NADK: variants seen among roughly 807,000 people sequenced by gnomAD.
NADK encodes poly(P)/ATP NAD kinase.
NADK carries 22 observed loss-of-function variants against 49.8 expected under a neutral mutation model. The observed-to-expected ratio is 0.44, with a 90% CI of 0.32 to 0.63. The LOEUF (loss-of-function observed/expected upper bound fraction) is 0.63, where lower values mean the gene tolerates loss of function less well. Ranked by LOEUF, NADK falls within the 30% of genes least tolerant of loss-of-function variation. The pLI, the probability that NADK is intolerant of heterozygous loss-of-function variation, is 0.06. For missense variants in NADK, 438 were observed against 609.4 expected (o/e 0.72, Z 2.96); for synonymous variants, 268 against 253.7 (o/e 1.06, Z -0.54).
intron 2 of NADK, among the ~76,000 whole-genome samples, chr1:1,762,928 C>T (rs981843342): frequency 1.3e-5 from 2 of 152,226 alleles, no homozygotes; most frequent in Non-Finnish European, 2.9e-5. Context: ...CCGCTGTGCT[C>T]CTCAGGGTCC....
chr1:1,776,491 T>C (rs1646213728), intron 1 of NADK, among the ~76,000 whole-genome samples: 1 of 152,064 alleles, frequency 6.6e-6, no homozygotes, highest in Non-Finnish European at 1.5e-5. Context: ...CTGGTCCAAG[T>C]GAGGCAAGCT....
intron 3 of NADK, chr1:1,758,450 C>T (rs374787688): frequency 7.4e-6 from 12 of 1,612,302 alleles, no homozygotes; most frequent in East Asian, 6.7e-5. Context: ...ATGTGGCTCG[C>T]GAGGTAGCCC....
At chr1:1,756,738 C>T (rs979517445) in intron 4 of NADK, 130 bp from the exon 5 acceptor site, 43 of 1,525,112 alleles carry the variant, frequency 2.8e-5, no homozygotes, top group East Asian at 1.8e-4. Flanking sequence ...CCCACGCTCA[C>T]GCTGAAACTT....
At chr1:1,779,503 A>G (rs932925338), upstream of NADK, among the ~76,000 whole-genome samples, 8 of 152,046 alleles carry the variant, frequency 5.3e-5, no homozygotes, top group Non-Finnish European at 1.2e-4. Context: ...TTTCTGAGAT[A>G]GTGTCTCATT....
chr1:1,772,363 C>T (rs979130970), intron 1 of NADK, among the ~76,000 whole-genome samples: 1 of 151,776 alleles, frequency 6.6e-6, no homozygotes, highest in Non-Finnish European at 1.5e-5. Context: ...GAGGTTTTGC[C>T]ATGTTGCCCA....
intron 1 of NADK, among the ~76,000 whole-genome samples, chr1:1,775,156 A>C (rs1272641528): frequency 1.3e-5 from 2 of 152,176 alleles, no homozygotes; most frequent in Non-Finnish European, 2.9e-5. Context: ...ATTAGAAAAA[A>C]ATACTAGAGC....
chr1:1,768,043 C>T (rs372562779), intron 1 of NADK, among the ~76,000 whole-genome samples: 28 of 151,978 alleles, frequency 1.8e-4, no homozygotes, highest in African/African-American at 6.8e-4. Flanking sequence ...TGGTGGCGGG[C>T]GCCTGTAATC....
At chr1:1,771,061 T>A (rs1302473840) in intron 1 of NADK, among the ~76,000 whole-genome samples, 18 of 146,040 alleles carry the variant, frequency 1.2e-4, no homozygotes, top group African/African-American at 4.0e-4. Context: ...AAAAAATATA[T>A]ATATATATAT....
chr1:1,767,192 C>T (rs1443751645), intron 1 of NADK, among the ~76,000 whole-genome samples: 1 of 152,164 alleles, frequency 6.6e-6, no homozygotes, highest in Non-Finnish European at 1.5e-5. Context: ...GCTGGGATTA[C>T]AGGCGTAAGC....
chr1:1,756,996 G>A, intron 4 of NADK, 185 bp downstream of exon 4: 1 of 1,000,660 alleles, frequency 1.0e-6, no homozygotes, highest in Admixed American at 2.0e-5. Context: ...CCAGTCTGGT[G>A]CTTGCCATGG....
chr1:1,759,350 G>T (rs1645640307), intron 3 of NADK: 10 of 1,399,964 alleles, frequency 7.1e-6, no homozygotes, highest in Non-Finnish European at 9.4e-6. Context: ...TGTGGGTACT[G>T]CACGGAGAGG....
intron 5 of NADK, 54 bp from the exon 6 acceptor site, chr1:1,756,397 T>A: frequency 6.2e-7 from 1 of 1,606,936 alleles, no homozygotes; most frequent in South Asian, 1.1e-5. Context: ...GGCCCCTCTG[T>A]GGCGCAGTGC....
At chr1:1,756,913 G>A (rs370545101) in intron 4 of NADK, 32 of 808,204 alleles carry the variant, frequency 4.0e-5, no homozygotes, top group African/African-American at 2.7e-4. Context: ...GAAGGCCCAC[G>A]TCAGATGTGG....
At chr1:1,759,692 C>T (rs767657349) in intron 3 of NADK, 24 of 1,540,534 alleles carry the variant, frequency 1.6e-5, no homozygotes, top group African/African-American at 4.1e-5. Flanking sequence ...ATGGGGGTGC[C>T]GAGAAAGCTG....
At chr1:1,756,821 T>G (rs773033202) in intron 4 of NADK, 1 of 894,394 alleles carries the variant, frequency 1.1e-6, no homozygotes, top group Non-Finnish European at 1.9e-6. Flanking sequence ...TCTCAGGAAT[T>G]GACTAAGGCT....
At chr1:1,768,316 T>C (rs1645946490) in intron 1 of NADK, among the ~76,000 whole-genome samples, 1 of 151,734 alleles carries the variant, frequency 6.6e-6, no homozygotes, top group South Asian at 2.1e-4. Context: ...GGTAAGAGGA[T>C]CACTTGAGGC....
At chr1:1,775,317 T>A (rs1399502732) in intron 1 of NADK, among the ~76,000 whole-genome samples, 1 of 152,130 alleles carries the variant, frequency 6.6e-6, no homozygotes, top group Non-Finnish European at 1.5e-5. Context: ...AAGAACTCAA[T>A]CAATATTTGT....
chr1:1,765,746 G>T (rs78339347), intron 1 of NADK, among the ~76,000 whole-genome samples: 10,701 of 151,766 alleles, frequency 0.071, 497 homozygotes, highest in Non-Finnish European at 0.11. Flanking sequence ...GTGAAATCCC[G>T]TCTCTACTAA....
chr1:1,773,719 T>TGAGAGAGA (rs1416052430), intron 1 of NADK, among the ~76,000 whole-genome samples: 42 of 137,246 alleles, frequency 3.1e-4, no homozygotes, highest in African/African-American at 7.2e-4. Flanking sequence ...TGTGTGTGTG[T>TGAGAGAGA]GTGTGTGTGT....
Sources: gnomAD v4.1 joint callset for allele counts (sites outside exome capture counted in the v4.1 genomes callset) on GRCh38, gnomAD v4.1.1 for gene constraint, MANE v1.5 for transcripts, NCBI Gene and HGNC (gene_info 2026-07-23, HGNC 2026-07-21) for gene names.